SRPK2: variants seen among roughly 807,000 people sequenced by gnomAD.
SRPK2 encodes SRSF protein kinase 2, also known as SFRS protein kinase 2.
SRPK2 carries 21 observed loss-of-function variants against 90.8 expected under a neutral mutation model. The ratio of observed to expected loss-of-function variants is 0.23; its 90% CI spans 0.16 to 0.33. SRPK2 has a LOEUF of 0.33. Among genes scored for constraint, SRPK2 ranks in the 10% least tolerant of loss-of-function variants. The pLI, the probability that SRPK2 is intolerant of heterozygous loss-of-function variation, is 1.00. For missense variants in SRPK2, 620 were observed against 869.0 expected (o/e 0.71, Z 3.60); for synonymous variants, 288 against 311.1 (o/e 0.93, Z 0.78).
intron 2 of SRPK2, among the ~76,000 whole-genome samples, chr7:105,293,266 C>T (rs890527177): frequency 6.6e-6 from 1 of 151,192 alleles, no homozygotes; most frequent in Non-Finnish European, 1.5e-5. Flanking sequence ...ATGAGTGAAA[C>T]TCCATCTCAA....
chr7:105,324,210 T>C (rs941116178), intron 2 of SRPK2, among the ~76,000 whole-genome samples: 1 of 152,142 alleles, frequency 6.6e-6, no homozygotes, highest in South Asian at 2.1e-4. Context: ...GGTTTCACTA[T>C]GGTGGCCAGG....
intron 2 of SRPK2, among the ~76,000 whole-genome samples, chr7:105,282,117 G>A (rs1306211337): frequency 1.3e-5 from 2 of 152,210 alleles, no homozygotes; most frequent in Non-Finnish European, 2.9e-5. Context: ...GAGGCCTAAG[G>A]GTGGACATTT....
At chr7:105,310,678 G>C (rs1157845106) in intron 2 of SRPK2, among the ~76,000 whole-genome samples, 2 of 151,674 alleles carry the variant, frequency 1.3e-5, no homozygotes, top group Admixed American at 6.6e-5. Context: ...TAAAATGAAA[G>C]TCACATACAA....
intron 2 of SRPK2, among the ~76,000 whole-genome samples, chr7:105,331,998 GA>G (rs1458076546): frequency 6.6e-6 from 1 of 151,786 alleles, no homozygotes; most frequent in African/African-American, 2.4e-5. Context: ...ATTTCTAAAA[GA>G]AAAAAAGAAC....
At chr7:105,244,952 C>T (rs575315329) in intron 2 of SRPK2, 95 of 1,461,658 alleles carry the variant, frequency 6.5e-5, no homozygotes, top group Middle Eastern at 4.8e-4. Flanking sequence ...TGAGGAAAGC[C>T]GCTGCCAAGA....
chr7:105,246,119 A>ATT (rs1343629555), intron 2 of SRPK2, among the ~76,000 whole-genome samples: 1 of 152,208 alleles, frequency 6.6e-6, no homozygotes, highest in African/African-American at 2.4e-5. Flanking sequence ...ACTTAATTCT[A>ATT]TTCTTACATA....
chr7:105,238,559 A>G (rs1157636891), intron 2 of SRPK2, among the ~76,000 whole-genome samples: 2 of 152,218 alleles, frequency 1.3e-5, no homozygotes, highest in Non-Finnish European at 2.9e-5. Flanking sequence ...AGGCTGATCC[A>G]GTGGTTTGCC....
chr7:105,114,741 GT>G (rs1336484345), downstream of SRPK2, among the ~76,000 whole-genome samples: 4 of 152,120 alleles, frequency 2.6e-5, no homozygotes, highest in African/African-American at 9.7e-5. Context: ...ATTCAGTCAT[GT>G]TTTTACACTT....
chr7:105,292,303 T>A (rs1439948608), intron 2 of SRPK2, among the ~76,000 whole-genome samples: 1 of 151,696 alleles, frequency 6.6e-6, no homozygotes, highest in Non-Finnish European at 1.5e-5. Context: ...AGGTCAGGAG[T>A]TCGAGACCAG....
intron 2 of SRPK2, among the ~76,000 whole-genome samples, chr7:105,225,855 A>T (rs1423340095): frequency 6.6e-6 from 1 of 152,126 alleles, no homozygotes; most frequent in African/African-American, 2.4e-5. Flanking sequence ...CCTATAAGGT[A>T]GCCAGACACA....
At chr7:105,172,983 A>G (rs1472897156) in intron 3 of SRPK2, among the ~76,000 whole-genome samples, 5 of 152,238 alleles carry the variant, frequency 3.3e-5, no homozygotes, top group Admixed American at 1.3e-4. Context: ...TCACAGTGTA[A>G]GCATAGCAGC....
intron 7 of SRPK2, among the ~76,000 whole-genome samples, chr7:105,149,608 C>A (rs1241614973): frequency 6.6e-6 from 1 of 152,190 alleles, no homozygotes; most frequent in African/African-American, 2.4e-5. Context: ...TTTTCTCAGT[C>A]TCTCGTCCCA....
At chr7:105,383,506 C>T (rs1219937013) in intron 2 of SRPK2, among the ~76,000 whole-genome samples, 2 of 151,802 alleles carry the variant, frequency 1.3e-5, no homozygotes, top group African/African-American at 2.4e-5. Flanking sequence ...CCACAACCTC[C>T]GTCTCCCAGG....
At chr7:105,378,531 G>A (rs1021391394) in intron 2 of SRPK2, among the ~76,000 whole-genome samples, 8 of 152,082 alleles carry the variant, frequency 5.3e-5, no homozygotes, top group African/African-American at 9.7e-5. Context: ...TTGGGAGGCC[G>A]AGGTGGGCAG....
intron 9 of SRPK2, among the ~76,000 whole-genome samples, chr7:105,144,999 G>C (rs1266727462): frequency 6.6e-6 from 1 of 151,782 alleles, no homozygotes; most frequent in Non-Finnish European, 1.5e-5. Flanking sequence ...CCAGCTACTC[G>C]GGAGGCTGAG....
At chr7:105,390,606 TG>T (rs1377757958), upstream of SRPK2, among the ~76,000 whole-genome samples, 38 of 139,986 alleles carry the variant, frequency 2.7e-4, no homozygotes, top group East Asian at 2.0e-3. Context: ...TTTTTGTTTT[TG>T]TTTTTTTTTT....
intron 2 of SRPK2, chr7:105,298,674 A>C (rs1323619939): frequency 3.1e-6 from 3 of 957,578 alleles, no homozygotes; most frequent in Non-Finnish European, 3.7e-6. Context: ...AGCATGGCTC[A>C]GATTATACTG....
Position 105,142,053 on chromosome 7 carries a change from T to C in SRPK2, c.1498A>G (p.Arg500Gly). ...CTGGAGGCTGAAACCGTTCTGCTTC[T>C]GTCATGGGATGGACTGCTCTCCTCT... ...EQEESSPSHD[R>G]SRTVSASSTG... The change falls in exon 11 of 16, where the codon AGA becomes GGA. Residue 500 changes from arginine (R) to glycine (G), a missense_variant. This residue lies in a region of SRPK2 where 243 missense variants were observed against 245.7 expected (regional missense o/e 0.99). Coordinates refer to ENST00000393651, the MANE Select transcript of SRPK2 (RefSeq NM_182692.3). The C allele has an allele frequency of 6.2e-7, 1 of 1,613,940 alleles. No individual in the cohort carries two copies. The highest frequency in any genetic ancestry group is 8.5e-7 in the Non-Finnish European group (1 of 1,179,934).
intron 3 of SRPK2, among the ~76,000 whole-genome samples, chr7:105,183,536 G>A (rs972707188): frequency 1.3e-5 from 2 of 152,118 alleles, no homozygotes; most frequent in African/African-American, 4.8e-5. Context: ...GCCCAGGCTG[G>A]AGTGCAGTGG....
Sources: allele counts gnomAD v4.1 joint callset (sites outside exome capture counted in the v4.1 genomes callset), GRCh38; gene constraint gnomAD v4.1.1; regional missense constraint gnomAD v4.1.1; transcripts MANE v1.5; gene names NCBI Gene and HGNC (gene_info 2026-07-23, HGNC 2026-07-21).